Variants in RBFOX1 observed in about 807,000 individuals in gnomAD.
The protein encoded by RBFOX1 is RNA binding protein fox-1 homolog 1.
RBFOX1 carries 8 observed loss-of-function variants against 57.7 expected under a neutral mutation model. That is an observed-to-expected ratio of 0.14 (90% CI 0.08 to 0.25). The LOEUF is 0.25. Ranked by LOEUF, RBFOX1 falls within the 10% of genes least tolerant of loss-of-function variation. RBFOX1 has a pLI of 1.00. For missense variants in RBFOX1, 611 were observed against 548.5 expected, an observed-to-expected ratio of 1.11 and a Z score of -1.14; for synonymous variants, 326 against 222.4, an observed-to-expected ratio of 1.47 and a Z score of -4.15.
intron 2 of RBFOX1, among the ~76,000 whole-genome samples, chr16:6,566,895 T>C (rs943494504): frequency 1.3e-5 from 2 of 152,238 alleles, no homozygotes; most frequent in African/African-American, 2.4e-5. Flanking sequence ...CCCCATATCT[T>C]TTTTGGCAAG....
chr16:6,038,821 C>G (rs1049126567), intron 1 of RBFOX1: 4 of 148,038 alleles, frequency 2.7e-5, no homozygotes, highest in African/African-American at 9.9e-5. Context: ...GTTATCCTTC[C>G]TATTTAAGGC....
intron 3 of RBFOX1, among the ~76,000 whole-genome samples, chr16:6,954,439 A>G (rs1282104798): frequency 6.6e-6 from 1 of 152,156 alleles, no homozygotes; most frequent in Non-Finnish European, 1.5e-5. Flanking sequence ...AAATTACACG[A>G]CTATAAATTG....
intron 3 of RBFOX1, among the ~76,000 whole-genome samples, chr16:5,730,541 C>G (rs80228980): frequency 0.015 from 2,231 of 152,234 alleles, 48 homozygotes; most frequent in African/African-American, 0.051. Context: ...TAGAATAATA[C>G]TAATAATCAT....
At chr16:7,088,485 G>C (rs1348403179) in intron 4 of RBFOX1, among the ~76,000 whole-genome samples, 1 of 152,036 alleles carries the variant, frequency 6.6e-6, no homozygotes, top group Non-Finnish European at 1.5e-5. Context: ...CTTGAAAAAG[G>C]TAGATTTACA....
In RBFOX1 at chr16:6,668,788, T is replaced by C. The variant is rs181026223; in HGVS notation, c.-16+14138T>C. Among the ~76,000 whole-genome samples, 113 of 145,370 alleles carry C rather than the reference T, an allele frequency of 7.8e-4. No individual in the cohort carries two copies. In the East Asian group the frequency reaches 0.021, roughly 27 times the overall value. Reference sequence around the variant, plus strand: ...ATTATTTATAGCTATTATTTTCATGTGCCACTTATTTTACTTAAAAGAAGC... The same window carrying C: ...ATTATTTATAGCTATTATTTTCATGCGCCACTTATTTTACTTAAAAGAAGC... On this transcript the variant is annotated intron_variant, in intron 3 of 15. Transcript: ENST00000550418.
At chr16:5,262,030 A>G (rs561313980) in intron 1 of RBFOX1, among the ~76,000 whole-genome samples, 18 of 152,326 alleles carry the variant, frequency 1.2e-4, no homozygotes. Flanking sequence ...CTTGATTTAT[A>G]AGGGAGTTTG....
chr16:7,390,056 C>T (rs986245039), intron 4 of RBFOX1, among the ~76,000 whole-genome samples: 3 of 152,240 alleles, frequency 2.0e-5, no homozygotes, highest in African/African-American at 7.2e-5. Context: ...ACGAAGCAAG[C>T]ACATCCTCAC....
chr16:6,941,102 G>C (rs1050707717), intron 3 of RBFOX1, among the ~76,000 whole-genome samples: 1 of 152,000 alleles, frequency 6.6e-6, no homozygotes, highest in Non-Finnish European at 1.5e-5. Context: ...ACAGGAAAGA[G>C]TCTTAGTTGG....
chr16:7,410,912 T>C (rs774526550), intron 4 of RBFOX1, among the ~76,000 whole-genome samples: 17 of 151,884 alleles, frequency 1.1e-4, no homozygotes, highest in Non-Finnish European at 1.2e-4. Flanking sequence ...TCCATCGATC[T>C]ACTCTTCACC....
intron 3 of RBFOX1, among the ~76,000 whole-genome samples, chr16:5,779,369 A>C (rs527567779): frequency 5.8e-4 from 88 of 152,296 alleles, no homozygotes; most frequent in African/African-American, 2.0e-3. Flanking sequence ...CCTAGCACGA[A>C]AGCATTTTCA....
At chr16:7,012,283 G>A (rs575135941) in intron 3 of RBFOX1, among the ~76,000 whole-genome samples, 85 of 152,296 alleles carry the variant, frequency 5.6e-4, no homozygotes, top group African/African-American at 1.9e-3. Flanking sequence ...CAGGATCTGA[G>A]GCTGACAGAC....
At chr16:6,700,361 A>AG (rs2061645229) in intron 3 of RBFOX1, among the ~76,000 whole-genome samples, 1 of 103,356 alleles carries the variant, frequency 9.7e-6, no homozygotes, top group Admixed American at 1.0e-4. Flanking sequence ...TTAAAACAAA[A>AG]AAAAAAAGAA....
intron 3 of RBFOX1, among the ~76,000 whole-genome samples, chr16:6,966,797 G>T (rs893633054): frequency 1.4e-5 from 2 of 147,966 alleles, no homozygotes; most frequent in Admixed American, 6.7e-5. Flanking sequence ...CTATCTGTCT[G>T]TCTGTCTGTC....
intron 1 of RBFOX1, among the ~76,000 whole-genome samples, chr16:6,234,258 A>G (rs2097488060): frequency 6.6e-6 from 1 of 152,118 alleles, no homozygotes; most frequent in South Asian, 2.1e-4. Flanking sequence ...CCCACTGTCA[A>G]TTTTTTACAG....
chr16:6,909,692 G>A (rs1034409928), intron 3 of RBFOX1, among the ~76,000 whole-genome samples: 7 of 152,186 alleles, frequency 4.6e-5, no homozygotes, highest in Admixed American at 6.5e-5. Context: ...TGCCTAACAC[G>A]TGGTACATGC....
chr16:6,071,956 C>T (rs12932974), intron 1 of RBFOX1, among the ~76,000 whole-genome samples: 32,604 of 152,034 alleles, frequency 0.21, 4,408 homozygotes, highest in Non-Finnish European at 0.3. Flanking sequence ...TATGTATACA[C>T]GACATTTTCT....
intron 1 of RBFOX1, among the ~76,000 whole-genome samples, chr16:5,250,893 T>C (rs1567235458): frequency 6.6e-6 from 1 of 152,174 alleles, no homozygotes; most frequent in Non-Finnish European, 1.5e-5. Flanking sequence ...TTCCTGGAGG[T>C]GGGCTGTCTG....
At chr16:5,841,677 G>A (rs780540129) in intron 3 of RBFOX1, among the ~76,000 whole-genome samples, 1 of 152,136 alleles carries the variant, frequency 6.6e-6, no homozygotes, top group Non-Finnish European at 1.5e-5. Flanking sequence ...TGTAAGTCAT[G>A]GGTGTCCTGT....
At chr16:5,420,124 C>T (rs1441273568) in intron 1 of RBFOX1, among the ~76,000 whole-genome samples, 1 of 152,146 alleles carries the variant, frequency 6.6e-6, no homozygotes, top group Non-Finnish European at 1.5e-5. Context: ...ATTTGTTATA[C>T]AGTGACGGGA....
Sources: gnomAD v4.1 joint callset for allele counts (sites outside exome capture counted in the v4.1 genomes callset) on GRCh38, gnomAD v4.1.1 for gene constraint, MANE v1.5 for transcripts, NCBI Gene and HGNC (gene_info 2026-07-23, HGNC 2026-07-21) for gene names.